CREB5: variants seen among roughly 807,000 people sequenced by gnomAD.
CREB5 encodes the protein cAMP responsive element binding protein 5, also known as cyclic AMP-responsive element-binding protein 5.
CREB5 carries 19 observed loss-of-function variants against 57.1 expected under a neutral mutation model. The ratio of observed to expected loss-of-function variants is 0.33; its 90% CI spans 0.23 to 0.49. The LOEUF is 0.49. Ranked by LOEUF, CREB5 falls within the 20% of genes least tolerant of loss-of-function variation. CREB5 has a pLI of 0.99. For synonymous variants in CREB5, 238 were observed against 238.3 expected (o/e 1.00, Z 0.01); for missense variants, 579 against 671.6 (o/e 0.86, Z 1.52).
upstream of CREB5, chr7:28,410,359 A>G (rs1583428621): frequency 2.2e-6 from 1 of 456,524 alleles, no homozygotes; most frequent in South Asian, 1.5e-5. Context: ...GGCGGCGCCC[A>G]GGCAATTCCC....
At chr7:28,442,659 G>T (rs1185939920) in intron 1 of CREB5, among the ~76,000 whole-genome samples, 3 of 152,096 alleles carry the variant, frequency 2.0e-5, no homozygotes, top group Non-Finnish European at 4.4e-5. Context: ...TCTAACTGGG[G>T]TGAGATGATA....
At chr7:28,649,993 T>C (rs957942206) in intron 5 of CREB5, among the ~76,000 whole-genome samples, 4 of 152,192 alleles carry the variant, frequency 2.6e-5, no homozygotes, top group African/African-American at 9.6e-5. Context: ...TGCAGACTCA[T>C]GGCCATGTCA....
At chr7:28,522,555 C>G (rs1366916977) in intron 4 of CREB5, among the ~76,000 whole-genome samples, 1 of 151,930 alleles carries the variant, frequency 6.6e-6, no homozygotes, top group Non-Finnish European at 1.5e-5. Flanking sequence ...GCCACCATGC[C>G]CGGCTAATTT....
At chr7:28,530,387 G>A (rs1011115430) in intron 4 of CREB5, among the ~76,000 whole-genome samples, 1 of 152,170 alleles carries the variant, frequency 6.6e-6, no homozygotes, top group Non-Finnish European at 1.5e-5. Context: ...GACCCTAGTC[G>A]AGCTGCTCAG....
At chr7:28,433,632 C>T (rs189378457) in intron 1 of CREB5, among the ~76,000 whole-genome samples, 1 of 152,100 alleles carries the variant, frequency 6.6e-6, no homozygotes, top group Non-Finnish European at 1.5e-5. Context: ...CCGCCACACC[C>T]GCCCAAAATT....
At chr7:28,642,969 C>CACACAT (rs1798723608) in intron 5 of CREB5, among the ~76,000 whole-genome samples, 3 of 112,064 alleles carry the variant, frequency 2.7e-5, no homozygotes, top group Admixed American at 9.3e-5. Flanking sequence ...CACACACACA[C>CACACAT]ACACACACAC....
rs761201457 is a variant in CREB5, at chr7:28,724,256, T to A, written c.626T>A (p.Met209Lys). The A allele has an allele frequency of 1.9e-6, 3 of 1,613,638 alleles. No homozygotes were observed. Among genetic ancestry groups the A allele is most frequent in the Admixed American group, 3.3e-5 (2 of 60,000 alleles). ...ERQMSVNSSIMGMQGPNLSNP... is the reference protein window; with the variant it reads ...ERQMSVNSSIKGMQGPNLSNP... ...CAAATGTCAGTGAACTCCAGCATCA[T>A]GGGGATGCAAGGTCCAAATCTCAGC... The change falls in exon 7 of 11, where the codon ATG becomes AAG. Residue 209 changes from methionine to lysine, a missense_variant. Physicochemically the swap from Met to Lys is moderately conservative, Grantham distance 95. Transcript: ENST00000357727.
intron 4 of CREB5, among the ~76,000 whole-genome samples, chr7:28,510,617 T>C (rs1007907553): frequency 3.9e-5 from 6 of 152,224 alleles, no homozygotes; most frequent in African/African-American, 9.6e-5. Context: ...TGGCTGTCCA[T>C]TGGGGAAAAG....
chr7:28,634,321 T>A (rs558812116), intron 5 of CREB5, among the ~76,000 whole-genome samples: 124 of 152,352 alleles, frequency 8.1e-4, no homozygotes, highest in Non-Finnish European at 1.5e-3. Flanking sequence ...GATTAATGCA[T>A]GCTCATGGAT....
intron 1 of CREB5, among the ~76,000 whole-genome samples, chr7:28,373,705 T>G (rs1356549081): frequency 6.6e-6 from 1 of 151,976 alleles, no homozygotes; most frequent in East Asian, 1.9e-4. Context: ...GGATTACAGG[T>G]GTGAACCACC....
chr7:28,793,280 GA>G (rs1377744294), intron 7 of CREB5, among the ~76,000 whole-genome samples: 1 of 152,122 alleles, frequency 6.6e-6, no homozygotes, highest in Non-Finnish European at 1.5e-5. Context: ...GACACCCACA[GA>G]GCACATTAGA....
intron 5 of CREB5, among the ~76,000 whole-genome samples, chr7:28,692,946 C>T (rs1437978113): frequency 4.6e-5 from 7 of 152,210 alleles, no homozygotes; most frequent in Non-Finnish European, 7.3e-5. Context: ...TCTTTCCTTC[C>T]TGTACCTGCG....
At chr7:28,445,038 G>A (rs1029526982) in intron 1 of CREB5, among the ~76,000 whole-genome samples, 1 of 152,144 alleles carries the variant, frequency 6.6e-6, no homozygotes, top group Non-Finnish European at 1.5e-5. Flanking sequence ...ATGAGGTTGG[G>A]CGTTTCCCAT....
At chr7:28,445,251 T>G (rs749208200) in intron 1 of CREB5, among the ~76,000 whole-genome samples, 8 of 152,202 alleles carry the variant, frequency 5.3e-5, no homozygotes, top group Non-Finnish European at 1.2e-4. Context: ...AGGTATGTCT[T>G]TATTAGCAGT....
At chr7:28,355,628 C>T (rs1452208309) in intron 1 of CREB5, among the ~76,000 whole-genome samples, 1 of 152,062 alleles carries the variant, frequency 6.6e-6, no homozygotes, top group East Asian at 1.9e-4. Context: ...AAATGCTCCC[C>T]CTGCCACCAC....
At chr7:28,563,459 T>G (rs987805859) in intron 4 of CREB5, among the ~76,000 whole-genome samples, 2 of 152,310 alleles carry the variant, frequency 1.3e-5, no homozygotes, top group African/African-American at 4.8e-5. Context: ...TGCTTATGTT[T>G]TTCTTTTATA....
chr7:28,410,374 C>A (rs576164030), upstream of CREB5: 1 of 456,756 alleles, frequency 2.2e-6, no homozygotes, highest in South Asian at 1.5e-5. Flanking sequence ...ATTCCCAAGA[C>A]CTGGCGGCGG....
At chr7:28,680,574 A>G (rs1227490471) in intron 5 of CREB5, among the ~76,000 whole-genome samples, 3 of 152,106 alleles carry the variant, frequency 2.0e-5, no homozygotes, top group African/African-American at 7.2e-5. Context: ...CCCAGGCAAC[A>G]TAGGGAGACT....
At chr7:28,627,073 A>T (rs1356665203) in intron 5 of CREB5, among the ~76,000 whole-genome samples, 1 of 152,192 alleles carries the variant, frequency 6.6e-6, no homozygotes, top group South Asian at 2.1e-4. Flanking sequence ...CCTCCACCCC[A>T]TCCATTCTGC....
Sources: gnomAD v4.1 joint callset for allele counts (sites outside exome capture counted in the v4.1 genomes callset) on GRCh38, gnomAD v4.1.1 for gene constraint, MANE v1.5 for transcripts, NCBI Gene and HGNC (gene_info 2026-07-23, HGNC 2026-07-21) for gene names.